The following ITSN1 variants were observed in gnomAD, a reference collection of about 807,000 sequenced individuals.
ITSN1 encodes the protein intersectin 1.
In ITSN1, 58 loss-of-function variants were observed where a neutral mutation model predicts 239.8. The observed-to-expected ratio is 0.24, with a 90% CI of 0.20 to 0.30. The LOEUF (loss-of-function observed/expected upper bound fraction) is 0.30, where lower values mean the gene tolerates loss of function less well. Ranked by LOEUF, ITSN1 falls within the 10% of genes least tolerant of loss-of-function variation. The pLI is 1.00. For missense variants in ITSN1, 1,558 were observed against 2,103.3 expected (o/e 0.74, Z 5.07); for synonymous variants, 780 against 770.8 (o/e 1.01, Z -0.20).
chr21:33,712,427 T>G (rs903607357), intron 1 of ITSN1, among the ~76,000 whole-genome samples: 5 of 152,196 alleles, frequency 3.3e-5, no homozygotes, highest in Non-Finnish European at 7.3e-5. Flanking sequence ...CAGTTCAGTT[T>G]TCAAGACCAG....
At chr21:33,837,828 G>A in intron 29 of ITSN1, 1 of 985,842 alleles carries the variant, frequency 1.0e-6, no homozygotes, top group Non-Finnish European at 1.2e-6. Context: ...TGTTTTGTTT[G>A]GGGTTTTTAA....
intron 1 of ITSN1, among the ~76,000 whole-genome samples, chr21:33,704,309 C>CA (rs1187819707): frequency 6.6e-6 from 1 of 151,888 alleles, no homozygotes. Flanking sequence ...TATGACATTA[C>CA]AAAAAAAATT....
intron 29 of ITSN1, among the ~76,000 whole-genome samples, chr21:33,855,340 C>G (rs1979118389): frequency 6.6e-6 from 1 of 152,232 alleles, no homozygotes; most frequent in South Asian, 2.1e-4. Context: ...AGCCTGGGGA[C>G]CACGCTTTGA....
At chr21:33,644,063 G>A (rs1256211478) in intron 1 of ITSN1, 2 of 152,176 alleles carry the variant, frequency 1.3e-5, no homozygotes, top group African/African-American at 4.8e-5. Context: ...TAGGAGGAAT[G>A]TATTTGTTGG....
intron 31 of ITSN1, among the ~76,000 whole-genome samples, chr21:33,864,524 A>T (rs532613003): frequency 6.6e-6 from 1 of 152,304 alleles, no homozygotes; most frequent in South Asian, 2.1e-4. Flanking sequence ...GAATTCCAGG[A>T]TATACATTTT....
chr21:33,798,475 G>A (rs1016714302), intron 18 of ITSN1, among the ~76,000 whole-genome samples: 7 of 151,908 alleles, frequency 4.6e-5, no homozygotes, highest in African/African-American at 1.7e-4. Flanking sequence ...CAATCTAATC[G>A]GAATAGCTAG....
chr21:33,892,562 C>G lies in ITSN1; in HGVS notation c.*4262C>G, dbSNP rs1277172100. ...CTCAGATGAGGATTGCTAGGCCAGC[C>G]TAGGTTCTGGGGCGGATCTCAGGGA... is the stretch of plus-strand genomic sequence containing the variant. On this transcript the variant is annotated 3_prime_UTR_variant, in exon 40 of 40. Coordinates refer to ENST00000381318, the MANE Select transcript of ITSN1 (RefSeq NM_003024.3). 2 of 152,152 alleles carry G rather than the reference C, an allele frequency of 1.3e-5. No homozygotes were observed. The highest frequency in any genetic ancestry group is 2.9e-5 in the Non-Finnish European group (2 of 68,054). 9.4% of individuals were successfully genotyped at this position (152,152 alleles called of 1,614,324 possible). A position where few individuals can be genotyped will look rare whatever the true frequency, so the allele number is the denominator to read the frequency against.
intron 22 of ITSN1, among the ~76,000 whole-genome samples, chr21:33,816,623 A>G (rs891114592): frequency 2.0e-5 from 3 of 152,202 alleles, no homozygotes; most frequent in Non-Finnish European, 4.4e-5. Flanking sequence ...CACGGGGAAG[A>G]TTTCTCAGGG....
At chr21:33,847,817 G>A (rs986253189) in intron 29 of ITSN1, among the ~76,000 whole-genome samples, 3 of 152,164 alleles carry the variant, frequency 2.0e-5, no homozygotes, top group African/African-American at 7.2e-5. Context: ...AATCCCACCC[G>A]CTTTTCGCGC....
intron 34 of ITSN1, among the ~76,000 whole-genome samples, chr21:33,878,317 G>A (rs550730988): frequency 6.6e-6 from 1 of 152,256 alleles, no homozygotes; most frequent in Non-Finnish European, 1.5e-5. Flanking sequence ...ACAGGTGTGA[G>A]CCACCACGCC....
intron 5 of ITSN1, among the ~76,000 whole-genome samples, chr21:33,747,716 T>A (rs773566472): frequency 6.6e-6 from 1 of 152,216 alleles, no homozygotes; most frequent in Non-Finnish European, 1.5e-5. Flanking sequence ...CAACCCAAAA[T>A]TCTATATTCA....
chr21:33,707,485 C>T (rs1420278570), intron 1 of ITSN1, among the ~76,000 whole-genome samples: 1 of 152,116 alleles, frequency 6.6e-6, no homozygotes, highest in Non-Finnish European at 1.5e-5. Flanking sequence ...GTGAAATCAT[C>T]ATTCCCAAGA....
Position 33,836,543 on chromosome 21 carries a change from A to C in ITSN1, c.3572A>C (p.Asp1191Ala), listed in dbSNP as rs756580360. The C allele has an allele frequency of 6.2e-7, 1 of 1,614,126 alleles. No homozygotes were observed. Among genetic ancestry groups the C allele is most frequent in the South Asian group, 1.1e-5 (1 of 91,082 alleles). ...IINVLNKEDP[D>A]WWKGEVNGQV... is the part of the protein sequence containing the mutation. ...AACGTCCTCAACAAGGAGGACCCTG[A>C]CTGGTGGAAAGGAGAAGTCAATGGA... The change falls in exon 29 of 40, where the codon GAC becomes GCC. Residue 1191 changes from aspartate (D) to alanine (A), a missense_variant. Asp to Ala is a moderately radical substitution (Grantham distance 126). Around this residue, in one of 2 missense-constraint regions of ITSN1, gnomAD observed 576 missense variants for 893.3 expected, o/e 0.64. Transcript: ENST00000381318.
At chr21:33,653,707 A>G (rs2088766105) in intron 1 of ITSN1, among the ~76,000 whole-genome samples, 1 of 151,770 alleles carries the variant, frequency 6.6e-6, no homozygotes, top group Non-Finnish European at 1.5e-5. Context: ...TATTTTTAGT[A>G]GAGACGGGGT....
At chr21:33,690,802 T>G (rs1425141519) in intron 1 of ITSN1, among the ~76,000 whole-genome samples, 1 of 20,064 alleles carries the variant, frequency 5.0e-5, no homozygotes, top group African/African-American at 3.1e-4. Flanking sequence ...TATATATATA[T>G]ATATATATAT....
At chr21:33,717,351 C>T (rs533430955) in intron 1 of ITSN1, among the ~76,000 whole-genome samples, 2 of 151,940 alleles carry the variant, frequency 1.3e-5, no homozygotes, top group East Asian at 1.9e-4. Flanking sequence ...CTCATGCAAC[C>T]ACGCCTGGCT....
At chr21:33,742,076 A>C (rs977398944) in intron 5 of ITSN1, among the ~76,000 whole-genome samples, 1 of 123,024 alleles carries the variant, frequency 8.1e-6, no homozygotes, top group African/African-American at 3.3e-5. Context: ...TTTTTTTTTG[A>C]GGTGGAGTCT....
chr21:33,817,190 A>T (rs899165452), intron 22 of ITSN1: 2 of 1,264,122 alleles, frequency 1.6e-6, no homozygotes, highest in Non-Finnish European at 2.1e-6. Context: ...GTTTAATGCT[A>T]TAGCTTAAAA....
At chr21:33,747,438 A>G (rs1225806692) in intron 5 of ITSN1, among the ~76,000 whole-genome samples, 1 of 152,174 alleles carries the variant, frequency 6.6e-6, no homozygotes, top group African/African-American at 2.4e-5. Flanking sequence ...ATAAAAGCCA[A>G]ACACTTGCCA....
Sources: gnomAD v4.1 joint callset for allele counts (sites outside exome capture counted in the v4.1 genomes callset) on GRCh38, gnomAD v4.1.1 for gene constraint, gnomAD v4.1.1 regional missense constraint, MANE v1.5 for transcripts, NCBI Gene and HGNC (gene_info 2026-07-23, HGNC 2026-07-21) for gene names.